EIF2S2: variants seen among roughly 807,000 people sequenced by gnomAD.
EIF2S2 encodes eukaryotic translation initiation factor 2 subunit 2.
Under a neutral mutation model 44.0 loss-of-function variants are expected in EIF2S2, and 4 were observed. The observed-to-expected ratio is 0.09, with a 90% CI of 0.04 to 0.21. The LOEUF is 0.21. EIF2S2 is among the 10% of genes least tolerant of loss of function. EIF2S2 has a pLI of 1.00. For synonymous variants in EIF2S2, 108 were observed against 128.3 expected (o/e 0.84, Z 1.07); for missense variants, 154 against 392.0 (o/e 0.39, Z 5.13).
intron 3 of EIF2S2, among the ~76,000 whole-genome samples, chr20:34,100,299 G>C (rs1601535249): frequency 6.6e-6 from 1 of 152,200 alleles, no homozygotes; most frequent in Non-Finnish European, 1.5e-5. Flanking sequence ...ATAGGTGTGA[G>C]CCACTGCACC....
At chr20:34,100,627 C>T (rs1326109729) in intron 3 of EIF2S2, among the ~76,000 whole-genome samples, 1 of 151,976 alleles carries the variant, frequency 6.6e-6, no homozygotes, top group Non-Finnish European at 1.5e-5. Context: ...AGTTGTGAGC[C>T]AAGAACGTAA....
chr20:34,103,789 C>T (rs1157292695), intron 2 of EIF2S2, among the ~76,000 whole-genome samples: 1 of 152,082 alleles, frequency 6.6e-6, no homozygotes, highest in African/African-American at 2.4e-5. Context: ...TCACTGCAAC[C>T]TCTGCCTCCT....
At chr20:34,094,598 AT>A (rs1293041314) in intron 6 of EIF2S2, among the ~76,000 whole-genome samples, 1 of 152,144 alleles carries the variant, frequency 6.6e-6, no homozygotes, top group African/African-American at 2.4e-5. Context: ...GAAGGGTTCC[AT>A]GGTAGCACAA....
At chr20:34,091,734 C>A (rs1250101831) in intron 7 of EIF2S2, among the ~76,000 whole-genome samples, 5 of 136,406 alleles carry the variant, frequency 3.7e-5, no homozygotes, top group South Asian at 2.3e-4. Flanking sequence ...AAAAAAAAAA[C>A]CCCATTGGAT....
chr20:34,108,620 A>C (rs2034374942), intron 1 of EIF2S2, among the ~76,000 whole-genome samples: 1 of 152,248 alleles, frequency 6.6e-6, no homozygotes, highest in Non-Finnish European at 1.5e-5. Context: ...ACTACAGATC[A>C]CTTGAGTTAT....
chr20:34,090,470 C>T (rs149140400), intron 8 of EIF2S2, 47 bp downstream of exon 8: 3 of 1,223,140 alleles, frequency 2.5e-6, no homozygotes, highest in Non-Finnish European at 2.3e-6. Flanking sequence ...ACTGCAGCCT[C>T]ATGAGAACAT....
At chr20:34,092,654 G>A (rs1035926851) in intron 7 of EIF2S2, among the ~76,000 whole-genome samples, 11 of 152,054 alleles carry the variant, frequency 7.2e-5, no homozygotes, top group South Asian at 2.1e-4. Context: ...GTGACAGAGC[G>A]AGACTCCATC....
chr20:34,105,582 AT>A (rs1183326164), intron 1 of EIF2S2, 37 bp from the exon 2 acceptor site: 1 of 1,492,632 alleles, frequency 6.7e-7, no homozygotes, highest in Non-Finnish European at 8.9e-7. Flanking sequence ...GGACCAAATG[AT>A]TGTTTTTAAT....
chr20:34,107,115 T>C (rs769024861), intron 1 of EIF2S2, among the ~76,000 whole-genome samples: 12 of 152,130 alleles, frequency 7.9e-5, no homozygotes, highest in Admixed American at 2.0e-4. Context: ...GCAGTGGAGC[T>C]TGCAGTGAGC....
rs1204436979 is a variant in EIF2S2 at position 34,098,564 on chromosome 20, T to C, written c.367A>G (p.Asn123Asp). Residue 123 changes from asparagine to aspartate, a missense_variant, in exon 4 of 9, where the codon AAT (asparagine) becomes GAT (aspartate). Transcript: ENST00000374980. Reference protein sequence around the residue: ...PEDDLDIMLGNKKKKKKNVKF... With the variant: ...PEDDLDIMLGDKKKKKKNVKF... ...ACATTCTTCTTTTTCTTCTTTTTAT[T>C]GCCAAGCATAATGTCAAGGTCATCC... The C allele has an allele frequency of 6.2e-7, 1 of 1,614,016 alleles. No individual in the cohort carries two copies. The highest frequency in any genetic ancestry group is 8.5e-7 in the Non-Finnish European group (1 of 1,179,998).
chr20:34,097,907 A>C (rs1458800607), intron 4 of EIF2S2, among the ~76,000 whole-genome samples: 1 of 152,236 alleles, frequency 6.6e-6, no homozygotes, highest in Non-Finnish European at 1.5e-5. Flanking sequence ...TATAGCATTT[A>C]GAAACTAATA....
chr20:34,111,225 T>C (rs775637484), intron 1 of EIF2S2, among the ~76,000 whole-genome samples: 10 of 152,218 alleles, frequency 6.6e-5, no homozygotes, highest in Non-Finnish European at 1.2e-4. Flanking sequence ...TTCTCGACCA[T>C]TCCTTTGCCC....
At chr20:34,109,326 T>A (rs1488702267) in intron 1 of EIF2S2, among the ~76,000 whole-genome samples, 2 of 152,218 alleles carry the variant, frequency 1.3e-5, no homozygotes, top group African/African-American at 4.8e-5. Context: ...TGAAAATTAC[T>A]GAATGCCTAT....
intron 2 of EIF2S2, among the ~76,000 whole-genome samples, chr20:34,104,417 A>G (rs2034326202): frequency 1.3e-5 from 2 of 152,180 alleles, no homozygotes; most frequent in African/African-American, 4.8e-5. Flanking sequence ...ATTGGATAGT[A>G]TCTTCTGCTT....
At chr20:34,098,830 T>C (rs1289140971) in intron 3 of EIF2S2, among the ~76,000 whole-genome samples, 197 bp from the exon 4 acceptor site, 1 of 152,188 alleles carries the variant, frequency 6.6e-6, no homozygotes, top group Non-Finnish European at 1.5e-5. Flanking sequence ...ACCCAGCCTG[T>C]TCTTTTTTAA....
intron 7 of EIF2S2, among the ~76,000 whole-genome samples, chr20:34,090,915 ATTTT>A (rs139994507): frequency 6.8e-6 from 1 of 146,422 alleles, no homozygotes; most frequent in Non-Finnish European, 1.5e-5. Context: ...TGCCCTGCTA[ATTTT>A]TTTTTTTTGG....
chr20:34,090,506 T>TA lies in EIF2S2; in HGVS notation c.826+10dup. On this transcript the variant is annotated intron_variant, in intron 8 of 8. Coordinates refer to ENST00000374980, the MANE Select transcript of EIF2S2 (RefSeq NM_003908.5). ...TTCAGGGTGATCTAATGAAATGAAT[T>TA]ATACACTTACTGATATATCTTCTCA... 6.9e-7 allele frequency: 1 copy of TA among 1,459,542 alleles called. No individual in the cohort carries two copies. The highest frequency in any genetic ancestry group is 2.5e-5 in the East Asian group (1 of 39,634). The allele number at this position is 1,459,542 out of a possible 1,614,324, so 90.4% of individuals were successfully genotyped here.
chr20:34,107,459 C>A (rs1328483624), intron 1 of EIF2S2, among the ~76,000 whole-genome samples: 2 of 152,144 alleles, frequency 1.3e-5, no homozygotes, highest in East Asian at 1.9e-4. Flanking sequence ...AGCAGAATGA[C>A]AACAAACCAC....
chr20:34,091,172 T>A lies in EIF2S2; in HGVS notation c.741-570A>T, dbSNP rs1473231361. ...AATTGATTTTAAGTCTAAAACAAAC[T>A]GATTCCTTCATTGTATGTGACAGTC... On this transcript the variant is annotated intron_variant, in intron 7 of 8. Transcript: ENST00000374980. Among the ~76,000 whole-genome samples, 11 of 152,328 alleles carry A rather than the reference T, an allele frequency of 7.2e-5. No individual in the cohort carries two copies. In the East Asian group the frequency reaches 2.1e-3, roughly 29 times the overall value.
Sources: gnomAD v4.1 joint callset for allele counts (sites outside exome capture counted in the v4.1 genomes callset) on GRCh38, gnomAD v4.1.1 for gene constraint, MANE v1.5 for transcripts, NCBI Gene and HGNC (gene_info 2026-07-23, HGNC 2026-07-21) for gene names.